RAG2: variants seen among roughly 807,000 people sequenced by gnomAD.
RAG2 encodes V(D)J recombination-activating protein 2.
In RAG2, 16 loss-of-function variants were observed where a neutral mutation model predicts 31.8. The observed-to-expected ratio is 0.50, with a 90% CI of 0.34 to 0.76. The LOEUF (loss-of-function observed/expected upper bound fraction) is 0.76, where lower values mean the gene tolerates loss of function less well. Ranked by LOEUF, RAG2 falls within the 30% of genes least tolerant of loss-of-function variation. The pLI is 0.01. For synonymous variants in RAG2, 199 were observed against 215.9 expected (o/e 0.92, Z 0.68); for missense variants, 622 against 628.5 (o/e 0.99, Z 0.11).
At chr11:36,591,613 ACACACACACACACT>A (rs1851022557), downstream of RAG2, among the ~76,000 whole-genome samples, 1 of 151,870 alleles carries the variant, frequency 6.6e-6, no homozygotes, top group Non-Finnish European at 1.5e-5. Flanking sequence ...ACACACACAC[ACACACACACACACT>A]CACACAAATA....
At chr11:36,596,397 A>G (rs1851255967) in intron 1 of RAG2, among the ~76,000 whole-genome samples, 1 of 152,144 alleles carries the variant, frequency 6.6e-6, no homozygotes, top group African/African-American at 2.4e-5. Context: ...CAGAAGGATT[A>G]TTATCAAAGT....
At chr11:36,594,420 A>T (rs1419416911) in intron 1 of RAG2, 2 of 537,194 alleles carry the variant, frequency 3.7e-6, no homozygotes, top group African/African-American at 3.8e-5. Context: ...TATGCTCCCT[A>T]GGATTTCTGG....
chr11:36,595,898 A>G (rs569495423), intron 1 of RAG2, among the ~76,000 whole-genome samples: 14 of 152,370 alleles, frequency 9.2e-5, no homozygotes, highest in African/African-American at 3.4e-4. Context: ...ACAGATAAAC[A>G]TTTGAACTAA....
intron 1 of RAG2, among the ~76,000 whole-genome samples, chr11:36,596,230 T>G (rs544997144): frequency 6.6e-6 from 1 of 150,790 alleles, no homozygotes; most frequent in East Asian, 1.9e-4. Context: ...TTGTTTTTTT[T>G]TTTTTTTGCT....
In RAG2 at chr11:36,592,278, C is replaced by T; in HGVS notation, c.*307G>A. 1 of 348,926 alleles carries T rather than the reference C, an allele frequency of 2.9e-6. No individual in the cohort carries two copies. Among genetic ancestry groups the T allele is most frequent in the East Asian group, 6.8e-5 (1 of 14,738 alleles). The allele number at this position is 348,926 out of a possible 1,614,324, so 21.6% of individuals were successfully genotyped here. A position where few individuals can be genotyped will look rare whatever the true frequency, so the allele number is the denominator to read the frequency against. On this transcript the variant is annotated 3_prime_UTR_variant, in exon 2 of 2. Transcript: ENST00000311485. ...GACTTATATAATAAATATAAACATA[C>T]CTCGATGATTATTACTGCTTCTGGG... is the stretch of plus-strand genomic sequence containing the variant.
Position 36,592,611 on chromosome 11 carries a change from A to T in RAG2, c.1558T>A (p.Ser520Thr). The stretch of plus-strand genomic sequence containing the variant: ...TAATCAAACAACCTTCTAAGAAAGG[A>T]TTTCTTGGCAGGAGTCAAGATTTTT... ...SGKILTPAKK[S>T]FLRRLFD Residue 520 changes from serine to threonine, a missense_variant, in exon 2 of 2, where the codon TCC (serine) becomes ACC (threonine). Transcript: ENST00000311485. 2 of 1,614,018 alleles carry T rather than the reference A, an allele frequency of 1.2e-6. No individual in the cohort carries two copies. Among genetic ancestry groups the T allele is most frequent in the South Asian group, 1.1e-5 (1 of 91,070 alleles).
rs1164977898 is a variant in RAG2, at chr11:36,593,138, T to C, written c.1031A>G (p.Tyr344Cys). ...TTCAGCACATTTCAACATATAGAAA[T>C]AGAATCCTTCTGAAACAACTTGTTT... ...DNKQVVSEGF[Y>C]FYMLKCAEDD... The change falls in exon 2 of 2, where the codon TAT becomes TGT. Residue 344 changes from tyrosine to cysteine, a missense_variant. Coordinates refer to ENST00000311485, the MANE Select transcript of RAG2 (RefSeq NM_000536.4). 1.2e-6 allele frequency: 2 copies of C among 1,614,172 alleles called. No homozygotes were observed. The highest frequency in any genetic ancestry group is 1.1e-5 in the South Asian group (1 of 91,080).
Position 36,593,078 on chromosome 11 carries a change from T to TTGATGTTAAACAACA in RAG2, c.1090_1091insTGTTGTTTAACATCA (p.Thr363_Asn364insMetLeuPheAsnIle). ...TGGATCTTCTGTTGATGTTTGACTG[T>TTGATGTTAAACAACA]TTGTGAATGTTGTCTGCTCTTCATT... On this transcript the variant is annotated inframe_insertion, in exon 2 of 2. Transcript: ENST00000311485. 6.2e-7 allele frequency: 1 copy of TTGATGTTAAACAACA among 1,614,154 alleles called. No individual in the cohort carries two copies.
In RAG2 at chr11:36,593,339, T is replaced by C. The variant is rs772880437; in HGVS notation, c.830A>G (p.Tyr277Cys). 6.2e-7 allele frequency: 1 copy of C among 1,614,100 alleles called. No homozygotes were observed. The highest frequency in any genetic ancestry group is 8.5e-7 in the Non-Finnish European group (1 of 1,180,000). The change falls in exon 2 of 2, where the codon TAT becomes TGT. Residue 277 changes from tyrosine to cysteine, a missense_variant. Coordinates refer to ENST00000311485, the MANE Select transcript of RAG2 (RefSeq NM_000536.4). ...CATTCTTTTTTGATTTTCAAGCTGA[T>C]AGCCACCAACAATAACAAATTCATC... is the stretch of plus-strand genomic sequence containing the variant. ...NNDEFVIVGG[Y>C]QLENQKRMIC... is the part of the protein sequence containing the mutation.
intron 1 of RAG2, among the ~76,000 whole-genome samples, chr11:36,596,222 G>GTTTTTTTTTTTT (rs67282079): frequency 1.5e-4 from 18 of 118,348 alleles, no homozygotes; most frequent in East Asian, 1.2e-3. Flanking sequence ...TTTTTTTTTT[G>GTTTTTTTTTTTT]TTTTTTTTTT....
chr11:36,594,413 G>T, intron 1 of RAG2: 1 of 557,142 alleles, frequency 1.8e-6, no homozygotes, highest in South Asian at 2.2e-5. Flanking sequence ...CGGACTATAT[G>T]CTCCCTAGGA....
In RAG2 at chr11:36,593,389, A is replaced by G. The variant is rs750603413; in HGVS notation, c.780T>C (p.Ser260=). The G allele has an allele frequency of 6.2e-7, 1 of 1,614,148 alleles. No homozygotes were observed. Among genetic ancestry groups the G allele is most frequent in the Non-Finnish European group, 8.5e-7 (1 of 1,180,038 alleles). The part of the protein sequence containing the change: ...TVLPGGISVS[S]AILTQTNNDE... The stretch of plus-strand genomic sequence containing the variant: ...CATTGTTAGTTTGAGTCAGGATTGC[A>G]CTGGAGACAGAGATTCCTCCTGGCA... The change falls in exon 2 of 2, where the codon AGT becomes AGC. Residue 260 remains serine, a synonymous_variant. Coordinates refer to ENST00000311485, the MANE Select transcript of RAG2 (RefSeq NM_000536.4).
chr11:36,591,295 T>C (rs867922714), downstream of RAG2, among the ~76,000 whole-genome samples: 9 of 152,188 alleles, frequency 5.9e-5, no homozygotes, highest in African/African-American at 1.9e-4. Flanking sequence ...GCATAATTCA[T>C]GTTTCCCGTA....
chr11:36,592,541 A>T lies in RAG2; in HGVS notation c.*44T>A, dbSNP rs1851038269. The T allele has an allele frequency of 6.3e-7, 1 of 1,598,980 alleles. No homozygotes were observed. Among genetic ancestry groups the T allele is most frequent in the Admixed American group, 1.7e-5 (1 of 58,528 alleles). ...ATCAATGTTATGATTTTAAAAATAG[A>T]TTCAAAAATTCCATACACCTGAATC... On this transcript the variant is annotated 3_prime_UTR_variant, in exon 2 of 2. Coordinates refer to ENST00000311485, the MANE Select transcript of RAG2 (RefSeq NM_000536.4).
chr11:36,596,856 A>G (rs560508706), intron 1 of RAG2, among the ~76,000 whole-genome samples: 30 of 152,230 alleles, frequency 2.0e-4, no homozygotes, highest in Non-Finnish European at 3.5e-4. Flanking sequence ...CTCGTAAGTG[A>G]AAACATGATT....
At chr11:36,591,723 C>T (rs1219031915), downstream of RAG2, among the ~76,000 whole-genome samples, 1 of 152,022 alleles carries the variant, frequency 6.6e-6, no homozygotes, top group Admixed American at 6.6e-5. Flanking sequence ...TAATATTATT[C>T]TTCTCCATGA....
At chr11:36,596,147 T>C (rs1851220453) in intron 1 of RAG2, among the ~76,000 whole-genome samples, 1 of 152,022 alleles carries the variant, frequency 6.6e-6, no homozygotes, top group Non-Finnish European at 1.5e-5. Flanking sequence ...AATTTATCTT[T>C]ATTCCTCCTG....
chr11:36,592,551 T>A lies in RAG2; in HGVS notation c.*34A>T. The A allele has an allele frequency of 6.2e-7, 1 of 1,606,168 alleles. No individual in the cohort carries two copies. Among genetic ancestry groups the A allele is most frequent in the Non-Finnish European group, 8.5e-7 (1 of 1,175,728 alleles). On this transcript the variant is annotated 3_prime_UTR_variant, in exon 2 of 2. Transcript: ENST00000311485. The stretch of plus-strand genomic sequence containing the variant: ...TGATTTTAAAAATAGATTCAAAAAT[T>A]CCATACACCTGAATCTGAAAGGCTT...
chr11:36,594,443 T>C, intron 1 of RAG2: 1 of 478,510 alleles, frequency 2.1e-6, no homozygotes. Context: ...ATTGTAGTCC[T>C]TTTCCGTAAA....
Sources: gnomAD v4.1 joint callset for allele counts (sites outside exome capture counted in the v4.1 genomes callset) on GRCh38, gnomAD v4.1.1 for gene constraint, MANE v1.5 for transcripts, NCBI Gene and HGNC (gene_info 2026-07-23, HGNC 2026-07-21) for gene names.